DENND1B: variants seen among roughly 807,000 people sequenced by gnomAD.
The protein encoded by DENND1B is DENN domain containing 1B, also known as DENN domain-containing protein 1B.
Under a neutral mutation model 90.1 loss-of-function variants are expected in DENND1B, and 59 were observed. The observed-to-expected ratio is 0.65, with a 90% CI of 0.53 to 0.81. The LOEUF is 0.81. Ranked by LOEUF, DENND1B falls within the 40% of genes least tolerant of loss-of-function variation. DENND1B has a pLI of 0.00. For missense variants in DENND1B, 862 were observed against 912.6 expected (o/e 0.94, Z 0.71); for synonymous variants, 337 against 324.6 (o/e 1.04, Z -0.41).
rs182498606 is a variant in DENND1B at position 197,685,840 on chromosome 1, T to A, written c.127-11671A>T. On this transcript the variant is annotated intron_variant, in intron 3 of 22. Transcript: ENST00000620048. ...TGGGAGCTAATATTTTGCAAACTTATACTACCTTATCCATTATAGAAGACC... is the reference window on the plus strand; with the variant it reads ...TGGGAGCTAATATTTTGCAAACTTAAACTACCTTATCCATTATAGAAGACC... The A allele has an allele frequency of 4.6e-5, 7 of 152,250 alleles. No individual in the cohort carries two copies. The East Asian group carries it at 1.4e-3, about 29-fold the overall frequency. The allele number at this position is 152,250 out of a possible 1,614,324, so 9.4% of individuals were successfully genotyped here. A position where few individuals can be genotyped will look rare whatever the true frequency, so the allele number is the denominator to read the frequency against.
intron 2 of DENND1B, among the ~76,000 whole-genome samples, chr1:197,766,640 C>G (rs1417069621): frequency 1.3e-5 from 2 of 152,082 alleles, no homozygotes; most frequent in African/African-American, 4.8e-5. Flanking sequence ...ACAGCCCATT[C>G]CAAGACATAT....
chr1:197,734,131 T>A (rs1268422506), intron 2 of DENND1B: 2 of 937,264 alleles, frequency 2.1e-6, no homozygotes, highest in Non-Finnish European at 2.5e-6. Flanking sequence ...AACTGTCATA[T>A]CTTTTCATAT....
chr1:197,696,631 C>T (rs1189986450), intron 3 of DENND1B, among the ~76,000 whole-genome samples: 2 of 151,528 alleles, frequency 1.3e-5, no homozygotes, highest in African/African-American at 2.4e-5. Context: ...TGAAATCTTT[C>T]CAAATTTAAG....
At position 197,572,331 on chromosome 1, in the gene DENND1B, G is replaced by C. The variant is rs542825378; in HGVS notation, c.1149+10821C>G. Among the ~76,000 whole-genome samples, 3 of 152,288 alleles carry C rather than the reference G, an allele frequency of 2.0e-5. No individual in the cohort carries two copies. The South Asian group carries it at 6.2e-4, about 32-fold the overall frequency. ...GCTCACTGCTACCGCAGCAGTCTGA[G>C]ATTGACCTGTGAGGCAGCAGCCTGG... On this transcript the variant is annotated intron_variant, in intron 15 of 22. Transcript: ENST00000620048.
In DENND1B at chr1:197,669,901, CTAATA is replaced by C. The variant is rs546740383; in HGVS notation, c.296+2131_296+2135del. 5.3e-5 allele frequency among the ~76,000 whole-genome samples: 8 copies of C among 152,110 alleles called. No individual in the cohort carries two copies. The East Asian group carries it at 1.5e-3, about 29-fold the overall frequency. On this transcript the variant is annotated intron_variant, in intron 5 of 22. Transcript: ENST00000620048. Reference sequence around the variant, plus strand: ...TACTTTTGGTTTTCATTATCTTTATCTAATATAATCATATTTTCTGCAGGTTAAAA... The same window carrying C: ...TACTTTTGGTTTTCATTATCTTTATCTAATCATATTTTCTGCAGGTTAAAA...
intron 2 of DENND1B, among the ~76,000 whole-genome samples, chr1:197,751,647 T>C (rs1004919882): frequency 6.6e-6 from 1 of 152,016 alleles, no homozygotes; most frequent in Admixed American, 6.5e-5. Flanking sequence ...AGTTCGAGAC[T>C]AGCCTGGTCA....
chr1:197,544,176 G>A (rs1203894740), intron 18 of DENND1B, among the ~76,000 whole-genome samples: 4 of 152,188 alleles, frequency 2.6e-5, no homozygotes, highest in Non-Finnish European at 4.4e-5. Flanking sequence ...TTTGTGTAGG[G>A]TTGAGAAGAC....
chr1:197,647,095 G>A lies in DENND1B; in HGVS notation c.467C>T (p.Ala156Val). ...CTGATCTTTCAGAACTTGCTCACAG[G>A]CAATAAATATCTCTTGGTTCTTATA... Reference protein sequence around the residue: ...NLSVNQEIFIACEQVLKDQPA... With the variant: ...NLSVNQEIFIVCEQVLKDQPA... Residue 156 changes from alanine (A) to valine (V), a missense_variant, in exon 8 of 23, where the codon GCC (alanine) becomes GTC (valine). Physicochemically the swap from Ala to Val is moderately conservative, Grantham distance 64. Coordinates refer to ENST00000620048, the MANE Select transcript of DENND1B (RefSeq NM_001195215.2). 3 of 1,461,864 alleles carry A rather than the reference G, an allele frequency of 2.1e-6. No homozygotes were observed. Among genetic ancestry groups the A allele is most frequent in the Admixed American group, 3.3e-5 (1 of 30,022 alleles). The allele number at this position is 1,461,864 out of a possible 1,614,324, so 90.6% of individuals were successfully genotyped here.
At chr1:197,706,721 A>G (rs1309803754) in intron 3 of DENND1B, among the ~76,000 whole-genome samples, 3 of 152,070 alleles carry the variant, frequency 2.0e-5, no homozygotes, top group African/African-American at 4.8e-5. Context: ...AAAACCACAA[A>G]GAGTTATCAT....
At chr1:197,594,088 AT>A (rs1168326078) in intron 14 of DENND1B, among the ~76,000 whole-genome samples, 1 of 152,158 alleles carries the variant, frequency 6.6e-6, no homozygotes, top group Non-Finnish European at 1.5e-5. Context: ...TATGAATTAT[AT>A]AATGCTTTAA....
At chr1:197,657,820 A>G (rs1572219189) in intron 6 of DENND1B, among the ~76,000 whole-genome samples, 2 of 152,182 alleles carry the variant, frequency 1.3e-5, no homozygotes, top group Non-Finnish European at 2.9e-5. Flanking sequence ...TAGCTATATT[A>G]TTCACAATAG....
At chr1:197,676,124 A>C (rs1450130579) in intron 3 of DENND1B, among the ~76,000 whole-genome samples, 1 of 151,392 alleles carries the variant, frequency 6.6e-6, no homozygotes, top group Non-Finnish European at 1.5e-5. Context: ...GTCAGTGACA[A>C]AGCAGCTCAG....
rs560037924 is a variant in DENND1B at position 197,659,926 on chromosome 1, A to G, written c.297-1557T>C. Among the ~76,000 whole-genome samples, 101 of 152,160 alleles carry G rather than the reference A, an allele frequency of 6.6e-4. 1 individual carries two copies. The highest frequency in any genetic ancestry group is 2.4e-3 in the African/African-American group (100 of 41,558). On this transcript the variant is annotated intron_variant, in intron 5 of 22. Transcript: ENST00000620048. ...CCACCAGATATTTGAGGAAACACAA[A>G]TACAAAATGTTTATATTGAACATAA...
chr1:197,735,269 C>CA, intron 2 of DENND1B: 1 of 1,152,514 alleles, frequency 8.7e-7, no homozygotes, highest in Non-Finnish European at 1.1e-6. Context: ...TACATCCACC[C>CA]AAATACTGGA....
chr1:197,674,044 A>G, intron 4 of DENND1B, 76 bp downstream of exon 4: 1 of 1,048,840 alleles, frequency 9.5e-7, no homozygotes, highest in Non-Finnish European at 1.4e-6. Context: ...TTTATTTTAT[A>G]AAAAAGCACA....
intron 14 of DENND1B, among the ~76,000 whole-genome samples, chr1:197,583,728 A>C (rs1674449060): frequency 6.6e-6 from 1 of 152,166 alleles, no homozygotes; most frequent in Admixed American, 6.5e-5. Context: ...TGATTGCAAA[A>C]CAATTCAGGC....
chr1:197,604,525 C>T (rs1473209364), intron 13 of DENND1B, among the ~76,000 whole-genome samples: 1 of 151,112 alleles, frequency 6.6e-6, no homozygotes, highest in African/African-American at 2.4e-5. Flanking sequence ...GACCACTGAC[C>T]TTTGAACAGC....
upstream of DENND1B, among the ~76,000 whole-genome samples, chr1:197,776,645 G>A (rs1164159062): frequency 1.3e-5 from 2 of 152,118 alleles, no homozygotes; most frequent in African/African-American, 4.8e-5. Context: ...AGTCAGAAAA[G>A]GAGTCTTAAG....
chr1:197,746,760 C>A (rs1473151101), intron 2 of DENND1B: 3 of 1,347,626 alleles, frequency 2.2e-6, no homozygotes, highest in Non-Finnish European at 2.1e-6. Flanking sequence ...TATGCATATC[C>A]CATGTCACTT....
Sources: allele counts gnomAD v4.1 joint callset (sites outside exome capture counted in the v4.1 genomes callset), GRCh38; gene constraint gnomAD v4.1.1; transcripts MANE v1.5; gene names NCBI Gene and HGNC (gene_info 2026-07-23, HGNC 2026-07-21).